RC3H2: variants seen among roughly 807,000 people sequenced by gnomAD.
RC3H2 encodes the protein roquin-2.
Under a neutral mutation model 133.3 loss-of-function variants are expected in RC3H2, and 31 were observed. The observed-to-expected ratio is 0.23, with a 90% CI of 0.17 to 0.31. The LOEUF (loss-of-function observed/expected upper bound fraction) is 0.31, where lower values mean the gene tolerates loss of function less well. Among genes scored for constraint, RC3H2 ranks in the 10% least tolerant of loss-of-function variants. The pLI, the probability that RC3H2 is intolerant of heterozygous loss-of-function variation, is 1.00. For missense variants in RC3H2, 1,175 were observed against 1,437.2 expected (o/e 0.82, Z 2.95); for synonymous variants, 517 against 502.2 (o/e 1.03, Z -0.40).
rs114333149 is a variant in RC3H2 at position 122,883,150 on chromosome 9, G to C, written c.759+54C>G. On this transcript the variant is annotated intron_variant, in intron 5 of 20. Transcript: ENST00000357244. ...TCTAGACTGGGTAACATGAATTTCA[G>C]GAAGTCTCTGTCTCACAAACAGGCA... The C allele has an allele frequency of 6.8e-4, 1,038 of 1,516,458 alleles. 3 individuals are homozygous for C. The African/African-American group carries it at 0.012, about 17-fold the overall frequency. The allele number at this position is 1,516,458 out of a possible 1,614,324, so 93.9% of individuals were successfully genotyped here. A position where few individuals can be genotyped will look rare whatever the true frequency, so the allele number is the denominator to read the frequency against.
At chr9:122,875,002 C>G (rs1831269333) in intron 9 of RC3H2, 7 of 666,904 alleles carry the variant, frequency 1.0e-5, no homozygotes, top group Non-Finnish European at 1.2e-5. Context: ...TCTTCTCTGA[C>G]TTTTTTAGTC....
Position 122,905,293 on chromosome 9 carries a change from T to TCCTCCTC in RC3H2, c.-258_-252dup. 2.0e-6 allele frequency: 2 copies of TCCTCCTC among 985,480 alleles called. No individual in the cohort carries two copies. Among genetic ancestry groups the TCCTCCTC allele is most frequent in the Non-Finnish European group, 2.4e-6 (2 of 829,864 alleles). The allele number at this position is 985,480 out of a possible 1,614,324, so 61.0% of individuals were successfully genotyped here. A position where few individuals can be genotyped will look rare whatever the true frequency, so the allele number is the denominator to read the frequency against. On this transcript the variant is annotated 5_prime_UTR_variant, in exon 1 of 21. Transcript: ENST00000357244. Reference sequence around the variant, plus strand: ...CGGCGAAGGCCGCGACGGGGCCTCCTCCTCCTCCCTCCACCTCCGCCTCCT... The same window carrying TCCTCCTC: ...CGGCGAAGGCCGCGACGGGGCCTCCTCCTCCTCCCTCCTCCCTCCACCTCCGCCTCCT...
chr9:122,865,888 C>T (rs1000076948), intron 9 of RC3H2, among the ~76,000 whole-genome samples: 6 of 95,436 alleles, frequency 6.3e-5, no homozygotes, highest in Admixed American at 5.3e-4. Flanking sequence ...TATAGCAAGC[C>T]GAGTTTATAT....
chr9:122,880,631 A>G lies in RC3H2; in HGVS notation c.923T>C (p.Leu308Ser). ...AGACTGCATGTGTGATTTATGAGCCAAATCACCATACAAAAGAGAGGACCA... is the reference window on the plus strand; with the variant it reads ...AGACTGCATGTGTGATTTATGAGCCGAATCACCATACAAAAGAGAGGACCA... ...EQWSSLLYGD[L>S]AHKSHMQSII... The change falls in exon 6 of 21, where the codon TTG becomes TCG. Residue 308 changes from leucine (L) to serine (S), a missense_variant. By Grantham distance (145) the Leu-to-Ser change is moderately radical. This residue lies in a region of RC3H2 where 131 missense variants were observed against 154.2 expected (regional missense o/e 0.85). Transcript: ENST00000357244. The G allele has an allele frequency of 6.2e-7, 1 of 1,614,146 alleles. No individual in the cohort carries two copies. The highest frequency in any genetic ancestry group is 1.1e-5 in the South Asian group (1 of 91,080).
At chr9:122,851,050 ACT>A in intron 20 of RC3H2, 29 bp downstream of exon 20, 1 of 1,612,136 alleles carries the variant, frequency 6.2e-7, no homozygotes, top group Non-Finnish European at 8.5e-7. Flanking sequence ...TCCTATGCCC[ACT>A]GTTTATGAAT....
Position 122,888,281 on chromosome 9 carries a change from T to C in RC3H2, c.583+2031A>G, listed in dbSNP as rs1832016591. 2.0e-5 allele frequency among the ~76,000 whole-genome samples: 3 copies of C among 152,218 alleles called. No individual in the cohort carries two copies. In the South Asian group the frequency reaches 6.2e-4, roughly 31 times the overall value. On this transcript the variant is annotated intron_variant, in intron 4 of 20. Coordinates refer to ENST00000357244, the MANE Select transcript of RC3H2 (RefSeq NM_001100588.3). ...GAAATAATTCATTCTCAAATGAATA[T>C]GCTACCAACTTGTTTTAGCTTTATT...
rs1002545422 is a variant in RC3H2 at position 122,857,804 on chromosome 9, T to G, written c.2454+119A>C. The stretch of plus-strand genomic sequence containing the variant: ...ATATTCAGTGTTTATTGAACTAAAC[T>G]CAATTGCACACCAAACCACTGCAAA... On this transcript the variant is annotated intron_variant, in intron 13 of 20. Coordinates refer to ENST00000357244, the MANE Select transcript of RC3H2 (RefSeq NM_001100588.3). 1.1e-5 allele frequency: 9 copies of G among 791,768 alleles called. No homozygotes were observed. In the African/African-American group the frequency reaches 1.9e-4, roughly 17 times the overall value. The allele number at this position is 791,768 out of a possible 1,614,324, so 49.0% of individuals were successfully genotyped here.
chr9:122,895,289 T>TCC (rs1832371593), intron 2 of RC3H2, among the ~76,000 whole-genome samples: 1 of 151,634 alleles, frequency 6.6e-6, no homozygotes, highest in African/African-American at 2.4e-5. Flanking sequence ...CATCTCAGCC[T>TCC]CCCAAGTAGG....
chr9:122,857,773 G>A, intron 13 of RC3H2, 150 bp downstream of exon 13: 1 of 624,298 alleles, frequency 1.6e-6, no homozygotes, highest in African/African-American at 1.8e-5. Flanking sequence ...TAGCCGTAGT[G>A]CATTTATATT....
chr9:122,884,070 G>A (rs1226852061), intron 4 of RC3H2, among the ~76,000 whole-genome samples: 2 of 151,804 alleles, frequency 1.3e-5, no homozygotes, highest in Non-Finnish European at 2.9e-5. Flanking sequence ...CAAGGCGGGC[G>A]GATCACCAGG....
At chr9:122,865,789 TAATC>T in intron 9 of RC3H2, 132 bp from the exon 10 acceptor site, 1 of 686,078 alleles carries the variant, frequency 1.5e-6, no homozygotes, top group Non-Finnish European at 2.4e-6. Flanking sequence ...TTCAGCTAAA[TAATC>T]AAATACAGTC....
chr9:122,866,553 C>T (rs1170871410), intron 9 of RC3H2, among the ~76,000 whole-genome samples: 2 of 152,098 alleles, frequency 1.3e-5, no homozygotes, highest in African/African-American at 2.4e-5. Context: ...TGCAGGCGCG[C>T]GCCGCCACGC....
chr9:122,871,603 G>A (rs1012902638), intron 9 of RC3H2, among the ~76,000 whole-genome samples: 2 of 151,858 alleles, frequency 1.3e-5, no homozygotes, highest in Non-Finnish European at 2.9e-5. Flanking sequence ...GATTACAGGC[G>A]TGAGCCACTG....
At chr9:122,858,604 C>A in intron 12 of RC3H2, 65 bp downstream of exon 12, 1 of 1,362,474 alleles carries the variant, frequency 7.3e-7, no homozygotes, top group Non-Finnish European at 1.0e-6. Context: ...AGGATATATA[C>A]CTGGGTGGTT....
rs1398505429 is a variant in RC3H2 at position 122,854,273 on chromosome 9, A to G, written c.2901-7T>C. ...AGTAACAATGAATCTGTCCCTTTAA[A>G]GAGAAATATGTTTATTGTAATAAAA... is the stretch of plus-strand genomic sequence containing the variant. On this transcript the variant is annotated splice_region_variant and splice_polypyrimidine_tract_variant and intron_variant, in intron 16 of 20. Transcript: ENST00000357244. 1 of 1,602,090 alleles carries G rather than the reference A, an allele frequency of 6.2e-7. No individual in the cohort carries two copies. The highest frequency in any genetic ancestry group is 1.7e-5 in the Admixed American group (1 of 59,632).
At position 122,849,817 on chromosome 9, in the gene RC3H2, TCCTC is replaced by T. The variant is rs1159153334; in HGVS notation, c.3382_3385del (p.Glu1128SerfsTer8). On this transcript the variant is annotated frameshift_variant and splice_region_variant, in exon 21 of 21. Transcript: ENST00000357244. LOFTEE classifies it high-confidence loss of function. Reference sequence around the variant, plus strand: ...AGTTACCGGCAGAATTGTTTTTTGCTCCTCCCTGAGAAAAAAGAAATGACATTAA... The same window carrying T: ...AGTTACCGGCAGAATTGTTTTTTGCTCCTGAGAAAAAAGAAATGACATTAA... 1 of 1,564,658 alleles carries T rather than the reference TCCTC, an allele frequency of 6.4e-7. No individual in the cohort carries two copies. The highest frequency in any genetic ancestry group is 8.6e-7 in the Non-Finnish European group (1 of 1,158,376).
Position 122,883,220 on chromosome 9 carries a change from C to G in RC3H2, c.743G>C (p.Arg248Pro). 1 of 1,612,352 alleles carries G rather than the reference C, an allele frequency of 6.2e-7. No homozygotes were observed. The highest frequency in any genetic ancestry group is 8.5e-7 in the Non-Finnish European group (1 of 1,179,546). Residue 248 changes from arginine (R) to proline (P), a missense_variant, in exon 5 of 21, where the codon CGA (arginine) becomes CCA (proline). This residue lies in a region of RC3H2 where 121 missense variants were observed against 243.5 expected (regional missense o/e 0.50). Coordinates refer to ENST00000357244, the MANE Select transcript of RC3H2 (RefSeq NM_001100588.3). ...ACTGCTTACCTTAAAACAAGAAGCT[C>G]GATACAGTAGTTGCACAACATGACC... is the stretch of plus-strand genomic sequence containing the variant. ...SIGHVVQLLYRASCFKVTKRD... is the reference protein window; with the variant it reads ...SIGHVVQLLYPASCFKVTKRD...
chr9:122,850,974 A>C, intron 20 of RC3H2, 107 bp downstream of exon 20: 4 of 1,178,830 alleles, frequency 3.4e-6, no homozygotes, highest in East Asian at 2.3e-5. Flanking sequence ...ATCATTGCCC[A>C]TATAAGGTCT....
chr9:122,889,952 G>A (rs1306872883), intron 4 of RC3H2, among the ~76,000 whole-genome samples: 1 of 152,126 alleles, frequency 6.6e-6, no homozygotes, highest in Non-Finnish European at 1.5e-5. Context: ...GACCAGTCTG[G>A]CCAACATGGT....
Sources: gnomAD v4.1 joint callset for allele counts (sites outside exome capture counted in the v4.1 genomes callset) on GRCh38, gnomAD v4.1.1 for gene constraint, gnomAD v4.1.1 regional missense constraint, MANE v1.5 for transcripts, NCBI Gene and HGNC (gene_info 2026-07-23, HGNC 2026-07-21) for gene names.